The following RAB36 variants were observed in gnomAD, a reference collection of about 807,000 sequenced individuals.
RAB36 encodes the protein RAB36, member RAS oncogene family.
Under a neutral mutation model 39.3 loss-of-function variants are expected in RAB36, and 33 were observed. The ratio of observed to expected loss-of-function variants is 0.84; its 90% CI spans 0.64 to 1.12. The LOEUF (loss-of-function observed/expected upper bound fraction) is 1.12. Ranked by LOEUF, RAB36 falls within the 50% of genes most tolerant of loss-of-function variation. RAB36 has a pLI of 0.00. For missense variants in RAB36, 308 were observed against 355.3 expected (o/e 0.87, Z 1.07); for synonymous variants, 133 against 140.2 (o/e 0.95, Z 0.36).
chr22:23,162,795 C>T lies in RAB36; in HGVS notation c.*1231C>T, dbSNP rs1164744960. The T allele has an allele frequency of 4.4e-6, 2 of 455,030 alleles. No homozygotes were observed. The highest frequency in any genetic ancestry group is 8.8e-6 in the Non-Finnish European group (2 of 226,030). The allele number at this position is 455,030 out of a possible 1,614,324, so 28.2% of individuals were successfully genotyped here. On this transcript the variant is annotated 3_prime_UTR_variant, in exon 11 of 11. Transcript: ENST00000263116. ...TGCTCTCCTAGGGCCTGGCACACTG[C>T]AGCTGCCCTGTAAATGTTCAGCTCA...
downstream of RAB36, among the ~76,000 whole-genome samples, chr22:23,168,267 C>A (rs2072082275): frequency 6.6e-6 from 1 of 152,182 alleles, no homozygotes; most frequent in African/African-American, 2.4e-5. Context: ...GCAGCTCCCT[C>A]CAGCTCTTGA....
At chr22:23,169,118 G>C (rs772138548), downstream of RAB36, among the ~76,000 whole-genome samples, 1 of 152,220 alleles carries the variant, frequency 6.6e-6, no homozygotes, top group Non-Finnish European at 1.5e-5. Context: ...TGGAGTTCCT[G>C]AGGAGGGGCC....
rs1283950238 is a variant in RAB36, at chr22:23,162,825, T to C, written c.*1261T>C. ...GCCCTGTAAATGTTCAGCTCAGCGA[T>C]TGCCAAATACCAGTTAGGGAAGAAC... On this transcript the variant is annotated 3_prime_UTR_variant, in exon 11 of 11. Coordinates refer to ENST00000263116, the MANE Select transcript of RAB36 (RefSeq NM_004914.5). 3.6e-5 allele frequency: 16 copies of C among 442,166 alleles called. No individual in the cohort carries two copies. The highest frequency in any genetic ancestry group is 7.4e-5 in the Non-Finnish European group (16 of 215,592). The allele number at this position is 442,166 out of a possible 1,614,324, so 27.4% of individuals were successfully genotyped here.
rs746974871 is a variant in RAB36, at chr22:23,161,512, G to T, written c.752G>T (p.Ser251Ile). 2 of 1,612,384 alleles carry T rather than the reference G, an allele frequency of 1.2e-6. No individual in the cohort carries two copies. Among genetic ancestry groups the T allele is most frequent in the Non-Finnish European group, 1.7e-6 (2 of 1,179,016 alleles). The change falls in exon 11 of 11, where the codon AGT (serine) becomes ATT (isoleucine). Residue 251 changes from serine to isoleucine, a missense_variant. Coordinates refer to ENST00000263116, the MANE Select transcript of RAB36 (RefSeq NM_004914.5). ...GNGDLIQMEG[S>I]PPETQESKRP... ...CCCCTCCTTACAGAAATGGAAGGGA[G>T]TCCGCCCGAGACCCAGGAGAGCAAG...
At chr22:23,152,020 G>A (rs1051318200) in intron 3 of RAB36, among the ~76,000 whole-genome samples, 1 of 152,236 alleles carries the variant, frequency 6.6e-6, no homozygotes, top group African/African-American at 2.4e-5. Context: ...GGGTGCATAG[G>A]AGGGTGAGGG....
intron 2 of RAB36, among the ~76,000 whole-genome samples, chr22:23,148,360 T>C (rs911886860): frequency 3.3e-5 from 5 of 152,160 alleles, no homozygotes; most frequent in Non-Finnish European, 5.9e-5. Flanking sequence ...GAAAGTGTGA[T>C]TGGCACAAAA....
intron 5 of RAB36, 99 bp downstream of exon 5, chr22:23,153,233 T>G: frequency 1.1e-6 from 1 of 909,068 alleles, no homozygotes; most frequent in Admixed American, 2.0e-5. Flanking sequence ...CAAGGAGGAC[T>G]AGTCTAGACA....
chr22:23,145,349 G>T, upstream of RAB36: 1 of 1,590,878 alleles, frequency 6.3e-7, no homozygotes. Context: ...CCAGACTCCA[G>T]GCAGGTTCTC....
chr22:23,155,642 G>A (rs563731859), intron 5 of RAB36, among the ~76,000 whole-genome samples: 1 of 152,340 alleles, frequency 6.6e-6, no homozygotes, highest in East Asian at 1.9e-4. Flanking sequence ...TCTTCAGAGC[G>A]AGTCATGTCT....
chr22:23,165,743 G>C (rs2072034097), downstream of RAB36, among the ~76,000 whole-genome samples: 1 of 152,152 alleles, frequency 6.6e-6, no homozygotes, highest in South Asian at 2.1e-4. Context: ...AGTCCAAAAT[G>C]GCCTCCCTCA....
Position 23,150,691 on chromosome 22 carries a change from C to T in RAB36, c.161+537C>T, listed in dbSNP as rs187897760. Reference sequence around the variant, plus strand: ...CTAAGTCACGCAGGTGATTTTTCAGCCTCAGGTCTTGGTACAAGTTCATTT... The same window carrying T: ...CTAAGTCACGCAGGTGATTTTTCAGTCTCAGGTCTTGGTACAAGTTCATTT... On this transcript the variant is annotated intron_variant, in intron 3 of 10. Transcript: ENST00000263116. Among the ~76,000 whole-genome samples the T allele has an allele frequency of 2.4e-4, 36 of 152,266 alleles. No homozygotes were observed. In the East Asian group the frequency reaches 5.6e-3, roughly 24 times the overall value.
chr22:23,157,860 G>A, intron 6 of RAB36, 132 bp from the exon 7 acceptor site: 1 of 1,552,126 alleles, frequency 6.4e-7, no homozygotes, highest in Non-Finnish European at 8.7e-7. Context: ...CTTCATTGTA[G>A]GAGGTTCCGG....
chr22:23,153,256 G>C, intron 5 of RAB36, 122 bp downstream of exon 5: 1 of 762,198 alleles, frequency 1.3e-6, no homozygotes, highest in Non-Finnish European at 2.2e-6. Flanking sequence ...CAGAGCCTGG[G>C]GGTGTTGTGT....
At chr22:23,152,814 G>A (rs537964080) in intron 4 of RAB36, among the ~76,000 whole-genome samples, 23 of 152,234 alleles carry the variant, frequency 1.5e-4, no homozygotes, top group Admixed American at 2.6e-4. Flanking sequence ...GCTCAGTTTC[G>A]CTCAGTTTCT....
intron 5 of RAB36, among the ~76,000 whole-genome samples, chr22:23,153,758 G>A (rs986137081): frequency 2.0e-5 from 3 of 147,702 alleles, no homozygotes; most frequent in Admixed American, 1.4e-4. Context: ...GTGCAGTGGC[G>A]CAATCTCAGC....
intron 9 of RAB36, among the ~76,000 whole-genome samples, chr22:23,159,492 T>G (rs9612251): frequency 0.24 from 35,943 of 152,242 alleles, 4,634 homozygotes; most frequent in East Asian, 0.35. Context: ...GGGGGAATAG[T>G]GACCCCAACC....
intron 1 of RAB36, 50 bp from the exon 2 acceptor site, chr22:23,146,555 C>T (rs752188028): frequency 1.1e-5 from 17 of 1,594,544 alleles, no homozygotes; most frequent in Non-Finnish European, 1.0e-5. Context: ...GGTGAATCCC[C>T]AGGTATTTGC....
In RAB36 at chr22:23,162,531, A is replaced by G; in HGVS notation, c.*967A>G. ...TTAGAGGACTTCAGAGGCCCTGCCA[A>G]GTCTAGCATGTTCCTGTCTCCAACA... On this transcript the variant is annotated 3_prime_UTR_variant, in exon 11 of 11. Coordinates refer to ENST00000263116, the MANE Select transcript of RAB36 (RefSeq NM_004914.5). The G allele has an allele frequency of 2.4e-6, 1 of 423,112 alleles. No individual in the cohort carries two copies. The allele number at this position is 423,112 out of a possible 1,614,324, so 26.2% of individuals were successfully genotyped here.
At chr22:23,166,504 C>T (rs1315332059), downstream of RAB36, among the ~76,000 whole-genome samples, 1 of 152,138 alleles carries the variant, frequency 6.6e-6, no homozygotes, top group Admixed American at 6.5e-5. Context: ...TGCCAATGAA[C>T]TCAGCATAGA....
Sources: allele counts gnomAD v4.1 joint callset (sites outside exome capture counted in the v4.1 genomes callset), GRCh38; gene constraint gnomAD v4.1.1; transcripts MANE v1.5; gene names NCBI Gene and HGNC (gene_info 2026-07-23, HGNC 2026-07-21).